The following NTNG2 variants were observed in gnomAD, a reference collection of about 807,000 sequenced individuals.
NTNG2 encodes netrin-G2.
NTNG2 carries 15 observed loss-of-function variants against 47.6 expected under a neutral mutation model. The observed-to-expected ratio is 0.32, with a 90% CI of 0.21 to 0.49. NTNG2 has a LOEUF of 0.49. Among genes scored for constraint, NTNG2 ranks in the 20% least tolerant of loss-of-function variants. The pLI is 0.99. For missense variants in NTNG2, 578 were observed against 764.6 expected (o/e 0.76, Z 2.88); for synonymous variants, 307 against 324.6 (o/e 0.95, Z 0.58).
At chr9:132,207,831 C>T (rs747850554) in intron 3 of NTNG2, among the ~76,000 whole-genome samples, 4 of 152,134 alleles carry the variant, frequency 2.6e-5, no homozygotes, top group Non-Finnish European at 5.9e-5. Flanking sequence ...AGGCCAGGCA[C>T]GGTGGCTCAC....
rs546187377 is a variant in NTNG2 at position 132,238,967 on chromosome 9, G to A, written c.1055-137G>A. 1.1e-5 allele frequency: 9 copies of A among 853,172 alleles called. No homozygotes were observed. The Admixed American group carries it at 1.2e-4, about 12-fold the overall frequency. 52.9% of individuals were successfully genotyped at this position (853,172 alleles called of 1,614,324 possible). A position where few individuals can be genotyped will look rare whatever the true frequency, so the allele number is the denominator to read the frequency against. On this transcript the variant is annotated intron_variant, in intron 5 of 7. Transcript: ENST00000393229. ...ATCCGATGGAAGGGTGGGAGGCCTA[G>A]GGCACCTTCCGGTACCTTTTCCAAA...
At chr9:132,225,923 G>A (rs538350337) in intron 3 of NTNG2, among the ~76,000 whole-genome samples, 175 of 152,320 alleles carry the variant, frequency 1.1e-3, no homozygotes, top group Non-Finnish European at 1.4e-3. Flanking sequence ...GTCGTTCAGG[G>A]TGATGCTCTG....
chr9:132,190,481 T>A (rs1385972721), intron 2 of NTNG2, among the ~76,000 whole-genome samples: 1 of 152,092 alleles, frequency 6.6e-6, no homozygotes, highest in East Asian at 1.9e-4. Context: ...ACGTTGTCTG[T>A]TCTTCTTCCT....
At position 132,218,702 on chromosome 9, in the gene NTNG2, G is replaced by T. The variant is rs1265486150; in HGVS notation, c.858-8147G>T. On this transcript the variant is annotated intron_variant, in intron 3 of 7. Transcript: ENST00000393229. The surrounding 1 kb of genome is among the most constrained non-coding windows in gnomAD (Gnocchi z 5.4). Reference sequence around the variant, plus strand: ...AGTAGAGACGGGATTTCACCATGTTGGCCAGGCTGGTCTCGAACTCCTGAC... The same window carrying T: ...AGTAGAGACGGGATTTCACCATGTTTGCCAGGCTGGTCTCGAACTCCTGAC... Among the ~76,000 whole-genome samples the T allele has an allele frequency of 6.6e-6, 1 of 152,082 alleles. No individual in the cohort carries two copies. The highest frequency in any genetic ancestry group is 2.4e-5 in the African/African-American group (1 of 41,424).
chr9:132,238,497 A>G (rs1841781406), intron 5 of NTNG2, among the ~76,000 whole-genome samples: 1 of 152,076 alleles, frequency 6.6e-6, no homozygotes, highest in Admixed American at 6.5e-5. Flanking sequence ...AGTGGCACTC[A>G]CTCTTAGCAT....
chr9:132,231,605 C>G lies in NTNG2; in HGVS notation c.1054+1010C>G. On this transcript the variant is annotated intron_variant, in intron 5 of 7. Coordinates refer to ENST00000393229, the MANE Select transcript of NTNG2 (RefSeq NM_032536.4). This position sits in a 1 kb window ranked among gnomAD's most constrained non-coding sequence, Gnocchi z 4.1. The stretch of plus-strand genomic sequence containing the variant: ...CTCTGTGGTGTCCCCACCCCGGCAA[C>G]CCCCCAACCCTCTCTTGCTTTTCCC... 1.0e-5 allele frequency: 3 copies of G among 297,442 alleles called. No homozygotes were observed. The allele number at this position is 297,442 out of a possible 1,614,324, so 18.4% of individuals were successfully genotyped here.
intron 3 of NTNG2, among the ~76,000 whole-genome samples, chr9:132,219,048 C>T (rs1840178472): frequency 6.6e-6 from 1 of 151,956 alleles, no homozygotes; most frequent in Admixed American, 6.6e-5. Flanking sequence ...AGAACATTTC[C>T]ATCACCCTAA....
chr9:132,182,371 C>T lies in NTNG2; in HGVS notation c.213+15327C>T, dbSNP rs1050208807. On this transcript the variant is annotated intron_variant, in intron 2 of 7. Transcript: ENST00000393229. This position sits in a 1 kb window ranked among gnomAD's most constrained non-coding sequence, Gnocchi z 4.2. Reference sequence around the variant, plus strand: ...GGGCTCCAGGCCTGTCTGCTTGGCACGGGGCAGCCCTACCCTCCTGCCCAG... The same window carrying T: ...GGGCTCCAGGCCTGTCTGCTTGGCATGGGGCAGCCCTACCCTCCTGCCCAG... Among the ~76,000 whole-genome samples the T allele has an allele frequency of 1.3e-5, 2 of 152,104 alleles. No homozygotes were observed. The highest frequency in any genetic ancestry group is 2.4e-5 in the African/African-American group (1 of 41,416).
chr9:132,201,535 G>A (rs1278272905), intron 3 of NTNG2, among the ~76,000 whole-genome samples: 2 of 152,192 alleles, frequency 1.3e-5, no homozygotes, highest in Non-Finnish European at 2.9e-5. Context: ...GGTGGCAAAG[G>A]GGGATGTGGG....
At chr9:132,235,587 G>A (rs1182200586) in intron 5 of NTNG2, among the ~76,000 whole-genome samples, 1 of 152,180 alleles carries the variant, frequency 6.6e-6, no homozygotes, top group Non-Finnish European at 1.5e-5. Flanking sequence ...GCCTCAGTAT[G>A]TACCCAGCTT....
chr9:132,165,180 C>T (rs1835422239), intron 1 of NTNG2, among the ~76,000 whole-genome samples: 1 of 152,194 alleles, frequency 6.6e-6, no homozygotes, highest in East Asian at 1.9e-4. Context: ...TGGCCAGAAT[C>T]CCATGCTGGC....
At chr9:132,211,686 G>A (rs749933403) in intron 3 of NTNG2, among the ~76,000 whole-genome samples, 6 of 152,140 alleles carry the variant, frequency 3.9e-5, no homozygotes, top group African/African-American at 7.2e-5. Context: ...CCTCTCTGGA[G>A]CTCCTGAAGG....
In NTNG2 at chr9:132,162,153, C is replaced by T. The variant is rs1403605399; in HGVS notation, c.-570C>T. 6.6e-6 allele frequency: 1 copy of T among 152,262 alleles called. No homozygotes were observed. The highest frequency in any genetic ancestry group is 1.5e-5 in the Non-Finnish European group (1 of 67,688). 9.4% of individuals were successfully genotyped at this position (152,262 alleles called of 1,614,324 possible). A position where few individuals can be genotyped will look rare whatever the true frequency, so the allele number is the denominator to read the frequency against. On this transcript the variant is annotated 5_prime_UTR_variant, in exon 1 of 8. Transcript: ENST00000393229. The surrounding 1 kb of genome is among the most constrained non-coding windows in gnomAD (Gnocchi z 4.6). Reference sequence around the variant, plus strand: ...CCTCGGCCCGCGCCCCCACCCAGCGCCAGCCCGAGGGGGGAGGCGCAGCGC... The same window carrying T: ...CCTCGGCCCGCGCCCCCACCCAGCGTCAGCCCGAGGGGGGAGGCGCAGCGC...
At chr9:132,176,460 G>A (rs1438176775) in intron 2 of NTNG2, among the ~76,000 whole-genome samples, 1 of 152,178 alleles carries the variant, frequency 6.6e-6, no homozygotes, top group East Asian at 1.9e-4. Flanking sequence ...TCTTTGTGAT[G>A]GCCTTCCTTC....
At chr9:132,178,699 G>A (rs1589386202) in intron 2 of NTNG2, among the ~76,000 whole-genome samples, 1 of 151,614 alleles carries the variant, frequency 6.6e-6, no homozygotes, top group African/African-American at 2.4e-5. Flanking sequence ...CTAGCACTCT[G>A]GGAGGCTGAG....
rs1375563772 is a variant in NTNG2 at position 132,226,984 on chromosome 9, C to T, written c.993C>T (p.Gly331=). The T allele has an allele frequency of 6.2e-7, 1 of 1,609,852 alleles. No individual in the cohort carries two copies. ...TCCGCACCCGGTCCTGGCGGGCCGG[C>T]TCCTACCTGCCGCTGCCCCATGGCT... is the stretch of plus-strand genomic sequence containing the variant. ...KNFRTRSWRA[G]SYLPLPHGSP... Residue 331 remains glycine (G), a synonymous_variant, in exon 4 of 8, where the codon GGC becomes GGT. Transcript: ENST00000393229. This position sits in a 1 kb window ranked among gnomAD's most constrained non-coding sequence, Gnocchi z 4.8.
intron 3 of NTNG2, among the ~76,000 whole-genome samples, chr9:132,205,833 A>G (rs893963183): frequency 9.9e-5 from 15 of 152,274 alleles, no homozygotes; most frequent in African/African-American, 2.9e-4. Flanking sequence ...GTGAACTGAG[A>G]TCGCACCACT....
chr9:132,192,930 C>T (rs1388483461), intron 2 of NTNG2, among the ~76,000 whole-genome samples: 2 of 152,222 alleles, frequency 1.3e-5, no homozygotes, highest in Non-Finnish European at 2.9e-5. Context: ...CTTCCCGGGC[C>T]GGGGCGGGGG....
intron 6 of NTNG2, among the ~76,000 whole-genome samples, chr9:132,240,401 T>C (rs1369840510): frequency 6.6e-6 from 1 of 152,076 alleles, no homozygotes; most frequent in Non-Finnish European, 1.5e-5. Context: ...TTTCTCAGGG[T>C]GGACGATATT....
Sources: allele counts gnomAD v4.1 joint callset (sites outside exome capture counted in the v4.1 genomes callset), GRCh38; gene constraint gnomAD v4.1.1; non-coding constraint Gnocchi (gnomAD v3.1); transcripts MANE v1.5; gene names NCBI Gene and HGNC (gene_info 2026-07-23, HGNC 2026-07-21).